Variants in MAP3K15 observed in about 807,000 individuals in gnomAD.
MAP3K15 encodes MAPK/ERK kinase kinase 15.
In MAP3K15, 124 loss-of-function variants were observed where a neutral mutation model predicts 99.5. The ratio of observed to expected loss-of-function variants is 1.25; its 90% CI spans 1.08 to 1.45. The LOEUF (loss-of-function observed/expected upper bound fraction) is 1.45, where lower values mean the gene tolerates loss of function less well. Among genes scored for constraint, MAP3K15 ranks in the 40% most tolerant of loss-of-function variants. The pLI is 0.00. For missense variants in MAP3K15, 1,242 were observed against 1,079.7 expected (o/e 1.15, Z -2.11); for synonymous variants, 494 against 439.6 (o/e 1.12, Z -1.55).
chrX:19,475,357 A>C (rs1013056125), intron 3 of MAP3K15, among the ~76,000 whole-genome samples: 1 of 111,387 alleles, frequency 9.0e-6, no homozygotes, highest in Non-Finnish European at 1.9e-5. Context: ...CTATAAATAC[A>C]GATGAAGCTT....
chrX:19,490,686 T>C (rs1387657254), intron 1 of MAP3K15, among the ~76,000 whole-genome samples: 2 of 108,844 alleles, frequency 1.8e-5, no homozygotes, highest in African/African-American at 6.7e-5. Context: ...GAGGTCGAGG[T>C]TGCAGTGAGC....
chrX:19,368,820 T>A (rs1035856352), intron 25 of MAP3K15, among the ~76,000 whole-genome samples: 8 of 108,265 alleles, frequency 7.4e-5, no homozygotes, highest in African/African-American at 2.4e-4. Context: ...CAAGGTACTA[T>A]ATATACCTCT....
chrX:19,425,416 G>T, intron 9 of MAP3K15, 115 bp downstream of exon 9: 1 of 698,389 alleles, frequency 1.4e-6, no homozygotes, highest in Non-Finnish European at 2.0e-6. Context: ...TTGTGTCTGT[G>T]CTAACTTTGC....
At chrX:19,509,533 C>A (rs185420682) in intron 1 of MAP3K15, among the ~76,000 whole-genome samples, 392 of 111,939 alleles carry the variant, frequency 3.5e-3, no homozygotes, top group Non-Finnish European at 4.5e-3. Context: ...TAATGATGTT[C>A]TTTGAAATCA....
At chrX:19,506,326 T>G (rs1427791006) in intron 1 of MAP3K15, among the ~76,000 whole-genome samples, 2 of 111,284 alleles carry the variant, frequency 1.8e-5, no homozygotes, top group Non-Finnish European at 3.8e-5. Context: ...CACCTTGGCC[T>G]CCCAAAGAGC....
intron 21 of MAP3K15, 107 bp downstream of exon 21, chrX:19,373,429 G>C: frequency 7.0e-6 from 7 of 998,980 alleles, no homozygotes; most frequent in Non-Finnish European, 9.5e-6. Context: ...CAGAAGGGAA[G>C]TAAAACCCCT....
rs367566670 is a variant in MAP3K15, at chrX:19,373,528, G to A, written c.2933+8C>T. ...GGCCCGCGGCAGACAGACAGAATAC[G>A]GGTGTACCTGAGGAGGTGGCCAAGG... is the stretch of plus-strand genomic sequence containing the variant. On this transcript the variant is annotated splice_region_variant and intron_variant, in intron 21 of 28. Coordinates refer to ENST00000338883, the MANE Select transcript of MAP3K15 (RefSeq NM_001001671.4). The A allele has an allele frequency of 6.0e-6, 7 of 1,166,464 alleles. No homozygotes were observed. Among genetic ancestry groups the A allele is most frequent in the South Asian group, 3.8e-5 (2 of 52,579 alleles).
chrX:19,363,151 A>G (rs1472781221), intron 25 of MAP3K15, among the ~76,000 whole-genome samples: 1 of 111,990 alleles, frequency 8.9e-6, no homozygotes, highest in Non-Finnish European at 1.9e-5. Flanking sequence ...GCCCAAGTTC[A>G]TATGTTGAAA....
chrX:19,431,368 A>C, intron 7 of MAP3K15, 70 bp downstream of exon 7: 1 of 988,082 alleles, frequency 1.0e-6, no homozygotes, highest in Non-Finnish European at 1.4e-6. Context: ...GAAGAGATGC[A>C]CATCCTTAGC....
At chrX:19,380,307 G>A (rs1438896697) in intron 18 of MAP3K15, 30 bp from the exon 19 acceptor site, 1 of 1,200,092 alleles carries the variant, frequency 8.3e-7, no homozygotes, top group South Asian at 1.8e-5. Context: ...ACAGGCTGTG[G>A]GTACCATATT....
intron 20 of MAP3K15, 79 bp downstream of exon 20, chrX:19,374,398 C>T: frequency 1.0e-6 from 1 of 977,399 alleles, no homozygotes; most frequent in East Asian, 3.1e-5. Context: ...CAGAACTCTC[C>T]CTCCTGAGCA....
At chrX:19,380,896 T>G (rs2063454204) in intron 18 of MAP3K15, among the ~76,000 whole-genome samples, 4 of 112,422 alleles carry the variant, frequency 3.6e-5, no homozygotes, top group African/African-American at 1.3e-4. Context: ...GAGGACTGCC[T>G]GGCCCATCAA....
chrX:19,507,873 T>C (rs1447753239), intron 1 of MAP3K15, among the ~76,000 whole-genome samples: 1 of 111,367 alleles, frequency 9.0e-6, no homozygotes, highest in Non-Finnish European at 1.9e-5. Context: ...TTCTAGGGTT[T>C]TGTTTTGTTT....
At position 19,415,971 on chromosome X, in the gene MAP3K15, G is replaced by A. The variant is rs770001824; in HGVS notation, c.1440-714C>T. On this transcript the variant is annotated intron_variant, in intron 9 of 28. Transcript: ENST00000338883. Reference sequence around the variant, plus strand: ...TAACTGTAGTGCATACTGCACTACTGTAAGAATTTCATAGCCACCTCCTGT... The same window carrying A: ...TAACTGTAGTGCATACTGCACTACTATAAGAATTTCATAGCCACCTCCTGT... 2.0e-3 allele frequency among the ~76,000 whole-genome samples: 222 copies of A among 111,945 alleles called. 2 individuals carry two copies. The highest frequency in any genetic ancestry group is 3.6e-3 in the Non-Finnish European group (194 of 53,196).
chrX:19,371,254 A>T, intron 23 of MAP3K15, 91 bp downstream of exon 23: 9 of 975,990 alleles, frequency 9.2e-6, no homozygotes, highest in Non-Finnish European at 1.3e-5. Context: ...ATTCAGGTGT[A>T]TACAGTTAAG....
Position 19,515,324 on chromosome X carries a change from C to G in MAP3K15, c.-63G>C, listed in dbSNP as rs2064555378. The G allele has an allele frequency of 1.4e-6, 1 of 722,549 alleles. No individual in the cohort carries two copies. Among genetic ancestry groups the G allele is most frequent in the Non-Finnish European group, 1.7e-6 (1 of 591,735 alleles). 59.5% of individuals were successfully genotyped at this position (722,549 alleles called of 1,213,427 possible). On this transcript the variant is annotated 5_prime_UTR_variant, in exon 1 of 29. Transcript: ENST00000338883. Reference sequence around the variant, plus strand: ...AGCGGCTGCGATCCGCTAGGAGGCACAAGTTACAGCAGCCGCGCAGGCGGT... The same window carrying G: ...AGCGGCTGCGATCCGCTAGGAGGCAGAAGTTACAGCAGCCGCGCAGGCGGT...
intron 1 of MAP3K15, among the ~76,000 whole-genome samples, chrX:19,494,328 T>C (rs2064387017): frequency 9.0e-6 from 1 of 110,825 alleles, no homozygotes; most frequent in African/African-American, 3.3e-5. Context: ...GGGAGAGAGA[T>C]ACTACATCAA....
chrX:19,495,252 T>C (rs770652807), intron 1 of MAP3K15, among the ~76,000 whole-genome samples: 4 of 112,425 alleles, frequency 3.6e-5, no homozygotes, highest in Non-Finnish European at 5.6e-5. Flanking sequence ...CCTCAAGTGA[T>C]CTGCCCACCT....
chrX:19,380,361 T>C, intron 18 of MAP3K15, 84 bp from the exon 19 acceptor site: 1 of 1,038,498 alleles, frequency 9.6e-7, no homozygotes, highest in Non-Finnish European at 1.3e-6. Context: ...CTCGGGAGGC[T>C]GAGGCAGGAG....
Sources: allele counts gnomAD v4.1 joint callset (sites outside exome capture counted in the v4.1 genomes callset), GRCh38; gene constraint gnomAD v4.1.1; transcripts MANE v1.5; gene names NCBI Gene and HGNC (gene_info 2026-07-23, HGNC 2026-07-21).